The following TMEM161B variants were observed in gnomAD, a reference collection of about 807,000 sequenced individuals.
The protein encoded by TMEM161B is transmembrane protein 161B.
Under a neutral mutation model 61.8 loss-of-function variants are expected in TMEM161B, and 34 were observed. The observed-to-expected ratio is 0.55, with a 90% confidence interval of 0.42 to 0.73. The LOEUF is 0.73. Among genes scored for constraint, TMEM161B ranks in the 30% least tolerant of loss-of-function variants. The probability of loss-of-function intolerance (pLI) is 0.00; values close to 1 mark genes in which losing one functional copy is unlikely to be tolerated. For missense variants in TMEM161B, 456 were observed against 558.5 expected (o/e 0.82, Z 1.85); for synonymous variants, 167 against 192.8 (o/e 0.87, Z 1.11).
intron 1 of TMEM161B, among the ~76,000 whole-genome samples, chr5:88,244,377 T>G (rs1365994604): frequency 1.3e-5 from 2 of 151,904 alleles, no homozygotes; most frequent in African/African-American, 4.8e-5. Context: ...CCCAGTACGA[T>G]TTACTGTGCA....
At chr5:88,224,238 T>C (rs1166718520) in intron 4 of TMEM161B, among the ~76,000 whole-genome samples, 2 of 152,168 alleles carry the variant, frequency 1.3e-5, no homozygotes, top group Admixed American at 6.5e-5. Context: ...TCAAAATCAC[T>C]TGGAGCACTT....
chr5:88,197,945 T>A (rs1749977116), intron 10 of TMEM161B, 180 bp from the exon 11 acceptor site: 1 of 444,676 alleles, frequency 2.2e-6, no homozygotes. Flanking sequence ...AAAGGCTCAA[T>A]TTGAAGACAA....
chr5:88,268,742 T>C lies in TMEM161B; in HGVS notation c.-19A>G, dbSNP rs772880539. The C allele has an allele frequency of 9.9e-6, 16 of 1,613,954 alleles. No individual in the cohort carries two copies. The Admixed American group carries it at 2.5e-4, about 25-fold the overall frequency. ...TCACCATGGCGCCTAGGATAGGTCG[T>C]GGACCAGACACCCTGGAGTTGCCGG... On this transcript the variant is annotated 5_prime_UTR_variant, in exon 1 of 12. Coordinates refer to ENST00000296595, the MANE Select transcript of TMEM161B (RefSeq NM_153354.5).
chr5:88,267,752 T>C (rs1756591096), intron 1 of TMEM161B, among the ~76,000 whole-genome samples: 1 of 152,158 alleles, frequency 6.6e-6, no homozygotes, highest in South Asian at 2.1e-4. Flanking sequence ...CCCCTACCCC[T>C]TGTTTACCTA....
intron 1 of TMEM161B, chr5:88,259,340 C>A (rs1208900524): frequency 1.3e-5 from 2 of 152,206 alleles, no homozygotes; most frequent in Non-Finnish European, 2.9e-5. Context: ...AGGTACTCTA[C>A]AAGATTACAT....
downstream of TMEM161B, among the ~76,000 whole-genome samples, chr5:88,194,388 T>G (rs1477699495): frequency 6.6e-6 from 1 of 152,150 alleles, no homozygotes; most frequent in Non-Finnish European, 1.5e-5. Context: ...CTTTATCCAA[T>G]CAACCACTGA....
At chr5:88,201,741 T>C (rs969618219) in intron 9 of TMEM161B, 4 of 153,734 alleles carry the variant, frequency 2.6e-5, no homozygotes, top group Non-Finnish European at 5.8e-5. Context: ...TCCTTAGAAT[T>C]ACTTTTCAAT....
rs1259998663 is a variant in TMEM161B at position 88,195,197 on chromosome 5, T to C, written c.*1014A>G. 1 of 984,568 alleles carries C rather than the reference T, an allele frequency of 1.0e-6. No individual in the cohort carries two copies. Among genetic ancestry groups the C allele is most frequent in the Non-Finnish European group, 1.2e-6 (1 of 828,912 alleles). 61.0% of individuals were successfully genotyped at this position (984,568 alleles called of 1,614,324 possible). ...CACATAGGCAACACAAATAAATTGC[T>C]TACTCTGCTGAACTTTCAAAATGTA... On this transcript the variant is annotated 3_prime_UTR_variant, in exon 12 of 12. Transcript: ENST00000296595.
chr5:88,188,616 G>A (rs923149862), downstream of TMEM161B, among the ~76,000 whole-genome samples: 22 of 152,168 alleles, frequency 1.4e-4, no homozygotes, highest in Admixed American at 3.9e-4. Flanking sequence ...GAAGAAAGTG[G>A]AATTGTAGCA....
At chr5:88,187,111 CA>C (rs1481561720), downstream of TMEM161B, among the ~76,000 whole-genome samples, 23 of 152,202 alleles carry the variant, frequency 1.5e-4, no homozygotes, top group African/African-American at 5.5e-4. Flanking sequence ...CCAGTTGTTG[CA>C]ATGACTCTCC....
At chr5:88,265,104 G>C (rs1756207405) in intron 1 of TMEM161B, among the ~76,000 whole-genome samples, 1 of 151,646 alleles carries the variant, frequency 6.6e-6, no homozygotes, top group Non-Finnish European at 1.5e-5. Context: ...AGTAAAATTT[G>C]AAAAAAAATT....
chr5:88,231,608 T>C (rs1202586956), intron 2 of TMEM161B, among the ~76,000 whole-genome samples: 3 of 152,236 alleles, frequency 2.0e-5, no homozygotes, highest in Admixed American at 2.0e-4. Context: ...CTTTGCCTAA[T>C]GAATTTACGA....
chr5:88,268,177 G>C (rs1756661159), intron 1 of TMEM161B, among the ~76,000 whole-genome samples: 1 of 152,126 alleles, frequency 6.6e-6, no homozygotes, highest in African/African-American at 2.4e-5. Flanking sequence ...TTCGAATAAA[G>C]TCTGTCCTTA....
Position 88,221,033 on chromosome 5 carries a change from T to C in TMEM161B, c.290-314A>G, listed in dbSNP as rs190641567. On this transcript the variant is annotated intron_variant, in intron 4 of 11. Transcript: ENST00000296595. ...TTGTCTTAACTGATTAGCTACTTTTTACAGAAATTATTAGTAAATATTTTC... is the reference window on the plus strand; with the variant it reads ...TTGTCTTAACTGATTAGCTACTTTTCACAGAAATTATTAGTAAATATTTTC... 2.0e-5 allele frequency among the ~76,000 whole-genome samples: 3 copies of C among 152,336 alleles called. No homozygotes were observed. In the East Asian group the frequency reaches 5.8e-4, roughly 29 times the overall value.
At chr5:88,253,237 TACTTA>T (rs758852139) in intron 1 of TMEM161B, among the ~76,000 whole-genome samples, 15 of 152,196 alleles carry the variant, frequency 9.9e-5, no homozygotes, top group African/African-American at 2.7e-4. Context: ...CTGGAGGGAA[TACTTA>T]ACTTATTTCT....
rs1287001761 is a variant in TMEM161B at position 88,203,008 on chromosome 5, T to C, written c.868A>G (p.Lys290Glu). 2 of 1,612,148 alleles carry C rather than the reference T, an allele frequency of 1.2e-6. No homozygotes were observed. The highest frequency in any genetic ancestry group is 4.5e-5 in the East Asian group (2 of 44,780). Reference sequence around the variant, plus strand: ...AGTGGTGGGTTCATAATGTAGTCTTTGGTGATTGGTTTTACCCAGAGCAGA... The same window carrying C: ...AGTGGTGGGTTCATAATGTAGTCTTCGGTGATTGGTTTTACCCAGAGCAGA... ...MVLLWVKPIT[K>E]DYIMNPPLGK... Residue 290 changes from lysine to glutamate, a missense_variant, in exon 9 of 12, where the codon AAA becomes GAA. Transcript: ENST00000296595.
chr5:88,208,446 C>T (rs1227359645), intron 5 of TMEM161B, among the ~76,000 whole-genome samples: 1 of 151,642 alleles, frequency 6.6e-6, no homozygotes, highest in Non-Finnish European at 1.5e-5. Context: ...CGCGCCACTG[C>T]ACTCCAGCCT....
At chr5:88,190,348 A>G (rs938723448), downstream of TMEM161B, 1 of 679,706 alleles carries the variant, frequency 1.5e-6, no homozygotes, top group Non-Finnish European at 2.7e-6. Context: ...CAACTTTCCA[A>G]GTGACTCCTG....
chr5:88,213,850 T>C (rs1747332739), intron 5 of TMEM161B, among the ~76,000 whole-genome samples: 1 of 152,176 alleles, frequency 6.6e-6, no homozygotes. Context: ...AACAAGTACC[T>C]TGGCTCAGAT....
Sources: allele counts gnomAD v4.1 joint callset (sites outside exome capture counted in the v4.1 genomes callset), GRCh38; gene constraint gnomAD v4.1.1; transcripts MANE v1.5; gene names NCBI Gene and HGNC (gene_info 2026-07-23, HGNC 2026-07-21).